NME3: variants seen among roughly 807,000 people sequenced by gnomAD.
NME3 encodes the protein nucleoside diphosphate kinase C.
NME3 carries 23 observed loss-of-function variants against 15.8 expected under a neutral mutation model. That is an observed-to-expected ratio of 1.45 (90% CI 1.05 to 2.06). NME3 has a LOEUF of 2.06. NME3 is among the 30% of genes most tolerant of loss of function. NME3 has a pLI of 0.00. For missense variants in NME3, 354 were observed against 243.2 expected, an observed-to-expected ratio of 1.46 and a Z score of -3.03; for synonymous variants, 157 against 104.4, an observed-to-expected ratio of 1.50 and a Z score of -3.07.
chr16:1,771,355 C>T lies in NME3; in HGVS notation c.102G>A (p.Gln34=), dbSNP rs2042597368. The part of the protein sequence containing the change: ...TFLAVKPDGV[Q]RRLVGEIVRR... Reference sequence around the variant, plus strand: ...GCACAATCTCGCCCACCAGCCGCCGCTGCACGCCGTCCGGCTTCACGGCCA... The same window carrying T: ...GCACAATCTCGCCCACCAGCCGCCGTTGCACGCCGTCCGGCTTCACGGCCA... Residue 34 remains glutamine, a synonymous_variant, in exon 2 of 5, where the codon CAG becomes CAA. Transcript: ENST00000219302. 1 of 1,589,888 alleles carries T rather than the reference C, an allele frequency of 6.3e-7. No individual in the cohort carries two copies. Among genetic ancestry groups the T allele is most frequent in the South Asian group, 1.1e-5 (1 of 87,988 alleles).
Position 1,770,757 on chromosome 16 carries a change from A to G in NME3, c.402T>C (p.Ile134=). The part of the protein sequence containing the change: ...DFCIEVGKNL[I]HGSDSVESAR... ...CACTCTCCACCGAGTCGCTGCCGTG[A>G]ATCAGGTTCCTGCGCGGAAGAGGCG... is the stretch of plus-strand genomic sequence containing the variant. The change falls in exon 5 of 5, where the codon ATT becomes ATC. Residue 134 remains isoleucine, a synonymous_variant. Transcript: ENST00000219302. 6.2e-7 allele frequency: 1 copy of G among 1,601,972 alleles called. No homozygotes were observed. The highest frequency in any genetic ancestry group is 8.5e-7 in the Non-Finnish European group (1 of 1,175,034).
In NME3 at chr16:1,771,186, G is replaced by A. The variant is rs751791036; in HGVS notation, c.178-15C>T. ...TCCTCGGAGGCCTGCGGAAGGGTCA[G>A]GCCGCCTGCGCCCGCACCCGGCACC... On this transcript the variant is annotated splice_polypyrimidine_tract_variant and intron_variant, in intron 2 of 4. Transcript: ENST00000219302. 1.3e-5 allele frequency: 21 copies of A among 1,587,798 alleles called. No homozygotes were observed. The highest frequency in any genetic ancestry group is 1.2e-4 in the South Asian group (11 of 89,138).
chr16:1,771,462 GC>G (rs1430145366), intron 1 of NME3, 26 bp downstream of exon 1: 2 of 1,340,110 alleles, frequency 1.5e-6, no homozygotes, highest in Non-Finnish European at 9.5e-7. Context: ...CCGGCCACCC[GC>G]CCCCGGCCCG....
rs184510588 is a variant in NME3, at chr16:1,770,855, G to A, written c.392+26C>T. On this transcript the variant is annotated intron_variant, in intron 4 of 4. Transcript: ENST00000219302. ...GAACAGGGGGAGGCCGGACGGGGCT[G>A]GGACCGTCCCCGGGGCGGGCCTTAC... is the stretch of plus-strand genomic sequence containing the variant. The A allele has an allele frequency of 1.7e-4, 273 of 1,568,692 alleles. No homozygotes were observed. In the African/African-American group the frequency reaches 3.2e-3, roughly 19 times the overall value.
rs770925795 is a variant in NME3 at position 1,771,008 on chromosome 16, G to A, written c.280-15C>T. The A allele has an allele frequency of 7.5e-6, 12 of 1,592,912 alleles. No individual in the cohort carries two copies. In the African/African-American group the frequency reaches 8.1e-5, roughly 11 times the overall value. On this transcript the variant is annotated splice_polypyrimidine_tract_variant and intron_variant, in intron 3 of 4. Transcript: ENST00000219302. ...CCCTGCCATACCTGTGCGGAGGAACGGGCGCGGTATCACGCGGGGGTGGGG... is the reference window on the plus strand; with the variant it reads ...CCCTGCCATACCTGTGCGGAGGAACAGGCGCGGTATCACGCGGGGGTGGGG...
Position 1,770,966 on chromosome 16 carries a change from T to C in NME3, c.307A>G (p.Thr103Ala). 6.3e-7 allele frequency: 1 copy of C among 1,584,368 alleles called. No individual in the cohort carries two copies. The highest frequency in any genetic ancestry group is 8.6e-7 in the Non-Finnish European group (1 of 1,160,694). The change falls in exon 4 of 5, where the codon ACC (threonine) becomes GCC (alanine). Residue 103 changes from threonine to alanine, a missense_variant. Coordinates refer to ENST00000219302, the MANE Select transcript of NME3 (RefSeq NM_002513.3). ...GTGGCTCCGATGAGCGCCCGCGAGG[T>C]GCGCACCACGTCCAGCCCCTGCCAT... ...MVWQGLDVVR[T>A]SRALIGATNP...
At chr16:1,771,028 G>GT (rs1567223056) in intron 3 of NME3, 35 bp from the exon 4 acceptor site, 1 of 1,595,130 alleles carries the variant, frequency 6.3e-7, no homozygotes, top group South Asian at 1.1e-5. Flanking sequence ...TCACGCGGGG[G>GT]TGGGGGTCCC....
At position 1,771,178 on chromosome 16, in the gene NME3, A is replaced by C; in HGVS notation, c.178-7T>G. On this transcript the variant is annotated splice_polypyrimidine_tract_variant and splice_region_variant and intron_variant, in intron 2 of 4. Transcript: ENST00000219302. Reference sequence around the variant, plus strand: ...GCAGCAGCTCCTCGGAGGCCTGCGGAAGGGTCAGGCCGCCTGCGCCCGCAC... The same window carrying C: ...GCAGCAGCTCCTCGGAGGCCTGCGGCAGGGTCAGGCCGCCTGCGCCCGCAC... The C allele has an allele frequency of 6.3e-7, 1 of 1,595,792 alleles. No homozygotes were observed. Among genetic ancestry groups the C allele is most frequent in the South Asian group, 1.1e-5 (1 of 89,884 alleles).
rs755983096 is a variant in NME3, at chr16:1,771,190, G to A, written c.178-19C>T. The A allele has an allele frequency of 2.5e-6, 4 of 1,583,618 alleles. No individual in the cohort carries two copies. The highest frequency in any genetic ancestry group is 1.7e-5 in the Admixed American group (1 of 57,636). Reference sequence around the variant, plus strand: ...CGGAGGCCTGCGGAAGGGTCAGGCCGCCTGCGCCCGCACCCGGCACCTAGG... The same window carrying A: ...CGGAGGCCTGCGGAAGGGTCAGGCCACCTGCGCCCGCACCCGGCACCTAGG... On this transcript the variant is annotated intron_variant, in intron 2 of 4. Transcript: ENST00000219302.
At chr16:1,770,816 G>A (rs2042574509) in intron 4 of NME3, 50 bp from the exon 5 acceptor site, 1 of 1,580,234 alleles carries the variant, frequency 6.3e-7, no homozygotes, top group South Asian at 1.1e-5. Context: ...TCCGGCACGG[G>A]TACCACGCAG....
Position 1,771,481 on chromosome 16 carries a change from C to A in NME3, c.46+8G>T, listed in dbSNP as rs1172132556. ...CCACCCGCCCCCGGCCCGCGCCGCG[C>A]GGCTCACCCGCGGGGAAGAGGTTAG... On this transcript the variant is annotated splice_region_variant and intron_variant, in intron 1 of 4. Coordinates refer to ENST00000219302, the MANE Select transcript of NME3 (RefSeq NM_002513.3). 1.5e-5 allele frequency: 20 copies of A among 1,323,504 alleles called. No homozygotes were observed. The highest frequency in any genetic ancestry group is 1.8e-5 in the Non-Finnish European group (19 of 1,040,452). The allele number at this position is 1,323,504 out of a possible 1,614,324, so 82.0% of individuals were successfully genotyped here.
In NME3 at chr16:1,770,983, C is replaced by T; in HGVS notation, c.290G>A (p.Gly97Glu). The T allele has an allele frequency of 6.3e-7, 1 of 1,588,502 alleles. No individual in the cohort carries two copies. Among genetic ancestry groups the T allele is most frequent in the African/African-American group, 1.3e-5 (1 of 74,448 alleles). The change falls in exon 4 of 5, where the codon GGG becomes GAG. Residue 97 changes from glycine (G) to glutamate (E), a missense_variant. Coordinates refer to ENST00000219302, the MANE Select transcript of NME3 (RefSeq NM_002513.3). ...SGPVVAMVWQ[G>E]LDVVRTSRAL... is the part of the protein sequence containing the mutation. ...CCGCGAGGTGCGCACCACGTCCAGC[C>T]CCTGCCATACCTGTGCGGAGGAACG...
rs866982225 is a variant in NME3, at chr16:1,770,705, G to A, written c.454C>T (p.Arg152Cys). 1.9e-6 allele frequency: 3 copies of A among 1,588,360 alleles called. No homozygotes were observed. The highest frequency in any genetic ancestry group is 1.7e-4 in the Middle Eastern group (1 of 5,950). ...TCCCAGCAGAGGAGCTCGTCTGCGC[G>A]GAACCAGAGAGCGATCTCGCGGCGG... ...SARREIALWF[R>C]ADELLCWEDS... The change falls in exon 5 of 5, where the codon CGC becomes TGC. Residue 152 changes from arginine (R) to cysteine (C), a missense_variant. Coordinates refer to ENST00000219302, the MANE Select transcript of NME3 (RefSeq NM_002513.3).
chr16:1,770,543 G>C lies in NME3; in HGVS notation c.*106C>G. The C allele has an allele frequency of 1.2e-6, 1 of 834,284 alleles. No homozygotes were observed. Among genetic ancestry groups the C allele is most frequent in the Non-Finnish European group, 1.8e-6 (1 of 552,402 alleles). The allele number at this position is 834,284 out of a possible 1,614,324, so 51.7% of individuals were successfully genotyped here. On this transcript the variant is annotated 3_prime_UTR_variant, in exon 5 of 5. Coordinates refer to ENST00000219302, the MANE Select transcript of NME3 (RefSeq NM_002513.3). ...CAGACAGGTGGATGTTCAGCAGCCC[G>C]TCCAAAGGGATGCTCCAAGCGCTGT...
chr16:1,770,903 C>A lies in NME3; in HGVS notation c.370G>T (p.Asp124Tyr). The change falls in exon 4 of 5, where the codon GAT becomes TAT. Residue 124 changes from aspartate to tyrosine, a missense_variant. By Grantham distance (160) the Asp-to-Tyr change is radical. Transcript: ENST00000219302. ...ADAPPGTIRG[D>Y]FCIEVGKNLI... The stretch of plus-strand genomic sequence containing the variant: ...TACTTGCCAACCTCGATGCAGAAAT[C>A]CCCGCGGATGGTGCCGGGCGGGGCG... The A allele has an allele frequency of 6.3e-7, 1 of 1,584,332 alleles. No homozygotes were observed.
rs764231247 is a variant in NME3, at chr16:1,771,180, G to C, written c.178-9C>G. 1.9e-6 allele frequency: 3 copies of C among 1,592,330 alleles called. No individual in the cohort carries two copies. In the Admixed American group the frequency reaches 5.1e-5, roughly 27 times the overall value. On this transcript the variant is annotated splice_polypyrimidine_tract_variant and intron_variant, in intron 2 of 4. Transcript: ENST00000219302. ...AGCAGCTCCTCGGAGGCCTGCGGAA[G>C]GGTCAGGCCGCCTGCGCCCGCACCC...
At position 1,770,696 on chromosome 16, in the gene NME3, C is replaced by T; in HGVS notation, c.463G>A (p.Glu155Lys). Residue 155 changes from glutamate to lysine, a missense_variant, in exon 5 of 5, where the codon GAG becomes AAG. Glu to Lys is a moderately conservative substitution (Grantham distance 56, BLOSUM62 1). Transcript: ENST00000219302. The part of the protein sequence containing the change: ...REIALWFRAD[E>K]LLCWEDSAGH... ...GCGCTGTCCTCCCAGCAGAGGAGCT[C>T]GTCTGCGCGGAACCAGAGAGCGATC... 1 of 1,585,722 alleles carries T rather than the reference C, an allele frequency of 6.3e-7. No individual in the cohort carries two copies. Among genetic ancestry groups the T allele is most frequent in the Non-Finnish European group, 8.6e-7 (1 of 1,167,000 alleles).
At chr16:1,771,214 G>A (rs915121656) in intron 2 of NME3, 43 bp from the exon 3 acceptor site, 6 of 1,571,856 alleles carry the variant, frequency 3.8e-6, no homozygotes, top group East Asian at 2.3e-5. Flanking sequence ...CCGGCACCTA[G>A]GCGTCCCCAG....
rs1163912415 is a variant in NME3 at position 1,771,487 on chromosome 16, A to C, written c.46+2T>G. ...GCCCCCGGCCCGCGCCGCGCGGCTC[A>C]CCCGCGGGGAAGAGGTTAGCGAAGA... On this transcript the variant is annotated splice_donor_variant, in intron 1 of 4. Transcript: ENST00000219302. LOFTEE classifies it high-confidence loss of function. 1 of 1,317,426 alleles carries C rather than the reference A, an allele frequency of 7.6e-7. No individual in the cohort carries two copies. The highest frequency in any genetic ancestry group is 9.7e-7 in the Non-Finnish European group (1 of 1,035,834). The allele number at this position is 1,317,426 out of a possible 1,614,324, so 81.6% of individuals were successfully genotyped here. A position where few individuals can be genotyped will look rare whatever the true frequency, so the allele number is the denominator to read the frequency against.
Sources: gnomAD v4.1 joint callset for allele counts on GRCh38, gnomAD v4.1.1 for gene constraint, MANE v1.5 for transcripts, NCBI Gene and HGNC (gene_info 2026-07-23, HGNC 2026-07-21) for gene names.